KIF27: variants seen among roughly 807,000 people sequenced by gnomAD.
The protein encoded by KIF27 is kinesin-like protein KIF27.
KIF27 carries 84 observed loss-of-function variants against 141.8 expected under a neutral mutation model. The observed-to-expected ratio is 0.59, with a 90% CI of 0.50 to 0.71. The LOEUF (loss-of-function observed/expected upper bound fraction) is 0.71. KIF27 is among the 30% of genes least tolerant of loss of function. The pLI is 0.00. For missense variants in KIF27, 1,306 were observed against 1,628.4 expected, an observed-to-expected ratio of 0.80 and a Z score of 3.41; for synonymous variants, 471 against 569.5, an observed-to-expected ratio of 0.83 and a Z score of 2.46.
chr9:83,886,180 A>G (rs966488498), intron 9 of KIF27, among the ~76,000 whole-genome samples: 3 of 152,076 alleles, frequency 2.0e-5, no homozygotes, highest in African/African-American at 7.2e-5. Flanking sequence ...CATTCCCAAG[A>G]TTTCAGGGTA....
chr9:83,879,384 T>C (rs1951491435), intron 11 of KIF27, among the ~76,000 whole-genome samples: 1 of 151,366 alleles, frequency 6.6e-6, no homozygotes, highest in Non-Finnish European at 1.5e-5. Context: ...ATCTGGGGCA[T>C]ACTGATAACA....
At chr9:83,842,496 A>T (rs917724038) in intron 16 of KIF27, 95 bp from the exon 17 acceptor site, 4 of 1,405,274 alleles carry the variant, frequency 2.8e-6, no homozygotes, top group Non-Finnish European at 2.8e-6. Context: ...GGAGTCTCGC[A>T]CTGTCGCCCA....
At chr9:83,870,707 CTTTTTTT>C (rs544179803) in intron 11 of KIF27, 75 bp from the exon 12 acceptor site, 69 of 1,261,368 alleles carry the variant, frequency 5.5e-5, no homozygotes, top group South Asian at 7.9e-5. Context: ...CAATTATTTT[CTTTTTTT>C]TTTTTTTTTT....
chr9:83,848,381 A>C (rs1357151244), intron 16 of KIF27, among the ~76,000 whole-genome samples: 1 of 136,336 alleles, frequency 7.3e-6, no homozygotes, highest in African/African-American at 2.7e-5. Flanking sequence ...ACATATATCT[A>C]TATATCATAT....
intron 13 of KIF27, 45 bp downstream of exon 13, chr9:83,867,637 AGG>A (rs1362926320): frequency 6.5e-6 from 10 of 1,530,890 alleles, no homozygotes; most frequent in Non-Finnish European, 7.9e-6. Flanking sequence ...AGTGGGGAGT[AGG>A]GAGTGGTTTA....
intron 10 of KIF27, among the ~76,000 whole-genome samples, chr9:83,881,025 G>A (rs1239727269): frequency 6.6e-6 from 1 of 151,708 alleles, no homozygotes. Flanking sequence ...TTTGTTCCAG[G>A]TGGCTGCACA....
At chr9:83,877,830 A>T (rs1241395895) in intron 11 of KIF27, among the ~76,000 whole-genome samples, 1 of 152,176 alleles carries the variant, frequency 6.6e-6, no homozygotes, top group Non-Finnish European at 1.5e-5. Flanking sequence ...ACCAAATTAA[A>T]ATGTGGACAA....
At chr9:83,863,486 T>C (rs1950109155) in intron 13 of KIF27, among the ~76,000 whole-genome samples, 1 of 152,206 alleles carries the variant, frequency 6.6e-6, no homozygotes, top group Non-Finnish European at 1.5e-5. Context: ...ATTTATTGAT[T>C]TGCGTATGTT....
rs1362206149 is a variant in KIF27 at position 83,903,402 on chromosome 9, G to C, written c.1116C>G (p.Ser372Arg). The C allele has an allele frequency of 1.2e-6, 2 of 1,613,784 alleles. No homozygotes were observed. The highest frequency in any genetic ancestry group is 1.7e-6 in the Non-Finnish European group (2 of 1,180,040). Reference protein sequence around the residue: ...EIKLLREALQSQQAGVSQTTQ... With the variant: ...EIKLLREALQRQQAGVSQTTQ... ...TAGTTTGGCTGACACCAGCCTGCTG[G>C]CTTTGCAAAGCTTCTCGAAGCAATT... The change falls in exon 4 of 18, where the codon AGC (serine) becomes AGG (arginine). Residue 372 changes from serine (S) to arginine (R), a missense_variant. By Grantham distance (110) the Ser-to-Arg change is moderately radical (BLOSUM62 -1). Coordinates refer to ENST00000297814, the MANE Select transcript of KIF27 (RefSeq NM_017576.4).
chr9:83,883,983 A>G lies in KIF27; in HGVS notation c.2275T>C (p.Leu759=), dbSNP rs755081289. 2 of 1,613,184 alleles carry G rather than the reference A, an allele frequency of 1.2e-6. No individual in the cohort carries two copies. The highest frequency in any genetic ancestry group is 1.1e-5 in the South Asian group (1 of 91,006). Reference sequence around the variant, plus strand: ...TCATGCTCTAGCTTTGTTACTTTCAAAGAATACTGCTTGCTTACAGACTTG... The same window carrying G: ...TCATGCTCTAGCTTTGTTACTTTCAGAGAATACTGCTTGCTTACAGACTTG... ...DAKSVSKQYS[L]KVTKLEHDAE... is the part of the protein sequence containing the mutation. Residue 759 remains leucine, a synonymous_variant, in exon 10 of 18, where the codon TTG becomes CTG. Coordinates refer to ENST00000297814, the MANE Select transcript of KIF27 (RefSeq NM_017576.4).
intron 2 of KIF27, among the ~76,000 whole-genome samples, chr9:83,914,797 A>T (rs1955529582): frequency 6.6e-6 from 1 of 152,212 alleles, no homozygotes; most frequent in East Asian, 1.9e-4. Context: ...AGATCCTATG[A>T]TTCCATCTTT....
chr9:83,885,675 A>C (rs564929415), intron 9 of KIF27, among the ~76,000 whole-genome samples: 1 of 152,114 alleles, frequency 6.6e-6, no homozygotes, highest in African/African-American at 2.4e-5. Flanking sequence ...TCTGTCACCT[A>C]GGCTGGAATG....
At position 83,877,620 on chromosome 9, in the gene KIF27, C is replaced by T. The variant is rs550300159; in HGVS notation, c.2643+2677G>A. ...AGGCAATGGATTCTTAGACATGACA[C>T]CAAAAAGCACAAGCAACAGAAGAAA... On this transcript the variant is annotated intron_variant, in intron 11 of 17. Coordinates refer to ENST00000297814, the MANE Select transcript of KIF27 (RefSeq NM_017576.4). Among the ~76,000 whole-genome samples, 256 of 151,980 alleles carry T rather than the reference C, an allele frequency of 1.7e-3. 1 individual carries two copies. The highest frequency in any genetic ancestry group is 6.8e-3 in the Middle Eastern group (2 of 294).
chr9:83,844,954 T>A (rs1947064422), intron 16 of KIF27, among the ~76,000 whole-genome samples: 1 of 152,198 alleles, frequency 6.6e-6, no homozygotes, highest in Non-Finnish European at 1.5e-5. Context: ...GCCCATTTAT[T>A]GAGTGACCTG....
chr9:83,858,928 A>G, intron 14 of KIF27: 5 of 546,540 alleles, frequency 9.1e-6, no homozygotes, highest in Non-Finnish European at 1.6e-5. Context: ...AATGCCTGGC[A>G]GTGCCAGGAA....
At chr9:83,870,141 C>CTA (rs1950652514) in intron 12 of KIF27, among the ~76,000 whole-genome samples, 1 of 151,504 alleles carries the variant, frequency 6.6e-6, no homozygotes, top group African/African-American at 2.4e-5. Context: ...CTATCTATCT[C>CTA]TCTATCTATC....
intron 13 of KIF27, among the ~76,000 whole-genome samples, chr9:83,863,387 G>C (rs1360859806): frequency 2.0e-5 from 3 of 152,036 alleles, no homozygotes; most frequent in Non-Finnish European, 2.9e-5. Flanking sequence ...TACCATGAAG[G>C]GCTGTTGAAT....
intron 14 of KIF27, among the ~76,000 whole-genome samples, chr9:83,857,547 T>C (rs1236160074): frequency 6.6e-6 from 1 of 152,222 alleles, no homozygotes; most frequent in Non-Finnish European, 1.5e-5. Context: ...CGCCATACTA[T>C]ATTTTCACCA....
intron 14 of KIF27, among the ~76,000 whole-genome samples, chr9:83,854,216 A>G (rs1246933261): frequency 6.6e-6 from 1 of 152,246 alleles, no homozygotes; most frequent in Non-Finnish European, 1.5e-5. Context: ...CAGTATTGTC[A>G]TATATCTCCT....
Sources: gnomAD v4.1 joint callset for allele counts (sites outside exome capture counted in the v4.1 genomes callset) on GRCh38, gnomAD v4.1.1 for gene constraint, MANE v1.5 for transcripts, NCBI Gene and HGNC (gene_info 2026-07-23, HGNC 2026-07-21) for gene names.